The following RBFOX1 variants were observed in gnomAD, a reference collection of about 807,000 sequenced individuals.
The protein encoded by RBFOX1 is RNA binding fox-1 homolog 1, also known as RNA binding protein fox-1 homolog 1.
In RBFOX1, 8 loss-of-function variants were observed where a neutral mutation model predicts 57.7. That is an observed-to-expected ratio of 0.14 (90% CI 0.08 to 0.25). The LOEUF (loss-of-function observed/expected upper bound fraction) is 0.25, where lower values mean the gene tolerates loss of function less well. Among genes scored for constraint, RBFOX1 ranks in the 10% least tolerant of loss-of-function variants. The pLI is 1.00. For missense variants in RBFOX1, 611 were observed against 548.5 expected (o/e 1.11, Z -1.14); for synonymous variants, 326 against 222.4 (o/e 1.47, Z -4.15).
intron 9 of RBFOX1, among the ~76,000 whole-genome samples, chr16:7,605,127 T>C (rs1349803280): frequency 1.3e-5 from 2 of 152,184 alleles, no homozygotes; most frequent in Admixed American, 6.5e-5. Flanking sequence ...AGTTGAAATG[T>C]AGATATTAAT....
rs191131335 is a variant in RBFOX1, at chr16:6,626,070, T to A, written c.-63-28533T>A. 3.4e-3 allele frequency among the ~76,000 whole-genome samples: 517 copies of A among 152,026 alleles called. 7 individuals are homozygous for A. The highest frequency in any genetic ancestry group is 0.012 in the African/African-American group (483 of 41,474). On this transcript the variant is annotated intron_variant, in intron 2 of 15. Transcript: ENST00000550418. ...GTTGCCGATTATAGTGTTGCCTGCCTCTGAAGTCACACCAATATGCGTCTC... is the reference window on the plus strand; with the variant it reads ...GTTGCCGATTATAGTGTTGCCTGCCACTGAAGTCACACCAATATGCGTCTC...
intron 2 of RBFOX1, among the ~76,000 whole-genome samples, chr16:6,649,080 C>A (rs749583697): frequency 6.6e-6 from 1 of 152,108 alleles, no homozygotes; most frequent in African/African-American, 2.4e-5. Context: ...AATTTTATGT[C>A]TTTAGGCCCA....
chr16:6,354,026 C>G (rs1378101020), intron 2 of RBFOX1, among the ~76,000 whole-genome samples: 5 of 152,128 alleles, frequency 3.3e-5, no homozygotes, highest in African/African-American at 1.2e-4. Flanking sequence ...TGAAGACCAG[C>G]CTCACCAATA....
At chr16:6,307,450 A>G (rs1005118599) in intron 1 of RBFOX1, among the ~76,000 whole-genome samples, 4 of 151,568 alleles carry the variant, frequency 2.6e-5, no homozygotes, top group African/African-American at 9.7e-5. Context: ...GAAATAAATT[A>G]TTTCTTATTT....
chr16:5,868,634 G>A (rs1311070420), intron 4 of RBFOX1, among the ~76,000 whole-genome samples: 1 of 152,192 alleles, frequency 6.6e-6, no homozygotes, highest in Non-Finnish European at 1.5e-5. Context: ...GAGCTGTGAT[G>A]CATTCATAGT....
intron 3 of RBFOX1, among the ~76,000 whole-genome samples, chr16:6,973,547 T>C (rs566661052): frequency 9.2e-4 from 140 of 152,272 alleles, no homozygotes; most frequent in African/African-American, 3.2e-3. Flanking sequence ...CAGCTTCTGT[T>C]TGGAGAGTCT....
intron 1 of RBFOX1, among the ~76,000 whole-genome samples, chr16:6,109,553 C>T (rs911606353): frequency 2.0e-5 from 3 of 151,986 alleles, no homozygotes; most frequent in East Asian, 3.9e-4. Context: ...CTTAAATTTC[C>T]CTAGTGTTCA....
intron 4 of RBFOX1, among the ~76,000 whole-genome samples, chr16:7,177,163 G>T: frequency 6.6e-6 from 1 of 152,278 alleles, no homozygotes; most frequent in South Asian, 2.1e-4. Flanking sequence ...ATGCATTTTT[G>T]TCCAGGAGTA....
chr16:5,861,922 G>A (rs549990706), intron 3 of RBFOX1, among the ~76,000 whole-genome samples: 1 of 152,140 alleles, frequency 6.6e-6, no homozygotes, highest in Non-Finnish European at 1.5e-5. Context: ...GCTGCCTGTG[G>A]GGGGAATGGA....
chr16:6,939,542 G>C (rs921736164), intron 3 of RBFOX1, among the ~76,000 whole-genome samples: 3 of 141,802 alleles, frequency 2.1e-5, no homozygotes, highest in Non-Finnish European at 3.0e-5. Flanking sequence ...ATGGTGTCTT[G>C]TTCTGTCATG....
At chr16:6,104,056 A>C (rs920661039) in intron 1 of RBFOX1, among the ~76,000 whole-genome samples, 62 of 152,112 alleles carry the variant, frequency 4.1e-4, no homozygotes, top group African/African-American at 1.4e-3. Context: ...TCAGCCTAGC[A>C]GGATTGTCCA....
chr16:7,145,722 A>C (rs1468128561), intron 4 of RBFOX1, among the ~76,000 whole-genome samples: 1 of 152,192 alleles, frequency 6.6e-6, no homozygotes, highest in African/African-American at 2.4e-5. Context: ...TGTATCTTTA[A>C]GCTTGACATC....
At chr16:5,637,088 A>G (rs921706700) in intron 3 of RBFOX1, among the ~76,000 whole-genome samples, 1 of 152,204 alleles carries the variant, frequency 6.6e-6, no homozygotes, top group East Asian at 1.9e-4. Flanking sequence ...TTATCTCTGC[A>G]TCATTAGCAG....
intron 3 of RBFOX1, among the ~76,000 whole-genome samples, chr16:7,010,946 G>C (rs1568359543): frequency 6.6e-6 from 1 of 152,200 alleles, no homozygotes; most frequent in East Asian, 1.9e-4. Flanking sequence ...TCTTAGCAGG[G>C]CCTTGGGCAA....
chr16:7,106,632 T>G (rs1393918708), intron 4 of RBFOX1, among the ~76,000 whole-genome samples: 1 of 152,120 alleles, frequency 6.6e-6, no homozygotes, highest in Non-Finnish European at 1.5e-5. Context: ...AATAATAATT[T>G]TATTTCTTGT....
chr16:6,882,269 C>T (rs1038073597), intron 3 of RBFOX1, among the ~76,000 whole-genome samples: 2 of 152,130 alleles, frequency 1.3e-5, no homozygotes, highest in Admixed American at 6.5e-5. Flanking sequence ...TTGGAGAGAA[C>T]AGAGGATGAT....
intron 4 of RBFOX1, among the ~76,000 whole-genome samples, chr16:7,337,919 A>G (rs896157107): frequency 6.6e-6 from 1 of 152,150 alleles, no homozygotes; most frequent in Non-Finnish European, 1.5e-5. Context: ...TCTTGACCTC[A>G]TGATCTGCCC....
chr16:5,833,286 G>C (rs1257537551), intron 3 of RBFOX1, among the ~76,000 whole-genome samples: 3 of 152,108 alleles, frequency 2.0e-5, no homozygotes, highest in Admixed American at 1.3e-4. Flanking sequence ...GAGGTCAGGA[G>C]ATCGAGACCA....
intron 1 of RBFOX1, among the ~76,000 whole-genome samples, chr16:6,225,560 C>A (rs907425232): frequency 5.3e-5 from 8 of 152,142 alleles, no homozygotes; most frequent in Non-Finnish European, 1.0e-4. Flanking sequence ...AAAGTATTCA[C>A]CTTTTGCAAA....
Sources: gnomAD v4.1 joint callset for allele counts (sites outside exome capture counted in the v4.1 genomes callset) on GRCh38, gnomAD v4.1.1 for gene constraint, MANE v1.5 for transcripts, NCBI Gene and HGNC (gene_info 2026-07-23, HGNC 2026-07-21) for gene names.